The following RBFOX1 variants were observed in gnomAD, a reference collection of about 807,000 sequenced individuals.
RBFOX1 encodes RNA binding protein fox-1 homolog 1.
In RBFOX1, 8 loss-of-function variants were observed where a neutral mutation model predicts 57.7. The ratio of observed to expected loss-of-function variants is 0.14; its 90% CI spans 0.08 to 0.25. The LOEUF is 0.25. Among genes scored for constraint, RBFOX1 ranks in the 10% least tolerant of loss-of-function variants. The probability of loss-of-function intolerance (pLI) is 1.00; values close to 1 mark genes in which losing one functional copy is unlikely to be tolerated. For missense variants in RBFOX1, 611 were observed against 548.5 expected (o/e 1.11, Z -1.14); for synonymous variants, 326 against 222.4 (o/e 1.47, Z -4.15).
chr16:7,495,458 T>C (rs539431283), intron 4 of RBFOX1, among the ~76,000 whole-genome samples: 1 of 152,236 alleles, frequency 6.6e-6, no homozygotes, highest in Non-Finnish European at 1.5e-5. Flanking sequence ...CCATCCTTTT[T>C]CTCTGCAGCC....
rs1001971457 is a variant in RBFOX1, at chr16:7,128,498, C to G, written c.27+76400C>G. On this transcript the variant is annotated intron_variant, in intron 4 of 15. Coordinates refer to ENST00000550418, the MANE Select transcript of RBFOX1 (RefSeq NM_018723.4). ...AGTTCGGTTCTGTACGTGTGTGTCT[C>G]TGATATCCCCAGCAAGCTAGCCTGG... Among the ~76,000 whole-genome samples, 3 of 152,154 alleles carry G rather than the reference C, an allele frequency of 2.0e-5. 1 individual carries two copies. Among genetic ancestry groups the G allele is most frequent in the African/African-American group, 4.8e-5 (2 of 41,442 alleles).
chr16:6,710,811 C>T (rs2063582474), intron 3 of RBFOX1, among the ~76,000 whole-genome samples: 3 of 152,228 alleles, frequency 2.0e-5, no homozygotes, highest in Non-Finnish European at 2.9e-5. Context: ...ATGAGAGATC[C>T]TCTTCCCCTG....
intron 2 of RBFOX1, among the ~76,000 whole-genome samples, chr16:6,564,766 A>C (rs1426612728): frequency 6.6e-6 from 1 of 152,174 alleles, no homozygotes; most frequent in Non-Finnish European, 1.5e-5. Context: ...TGATTGCGGT[A>C]ATCATTACAC....
intron 2 of RBFOX1, among the ~76,000 whole-genome samples, chr16:6,390,132 T>G (rs989550238): frequency 1.3e-5 from 2 of 152,250 alleles, no homozygotes; most frequent in Admixed American, 1.3e-4. Flanking sequence ...GCTAATCCGT[T>G]AATTAGAAGG....
chr16:5,457,936 T>C (rs2068679721), intron 1 of RBFOX1, among the ~76,000 whole-genome samples: 1 of 152,172 alleles, frequency 6.6e-6, no homozygotes, highest in Non-Finnish European at 1.5e-5. Context: ...CTGCCATTTC[T>C]TGGCCAAGCC....
chr16:7,412,698 A>G (rs1265325695), intron 4 of RBFOX1, among the ~76,000 whole-genome samples: 1 of 152,208 alleles, frequency 6.6e-6, no homozygotes, highest in Non-Finnish European at 1.5e-5. Context: ...TAAACAGCAT[A>G]AACAAATTTG....
chr16:6,989,957 C>T (rs553749460), intron 3 of RBFOX1, among the ~76,000 whole-genome samples: 1 of 152,188 alleles, frequency 6.6e-6, no homozygotes, highest in Admixed American at 6.5e-5. Flanking sequence ...ACTGAGACCG[C>T]ACCACCGCAC....
intron 4 of RBFOX1, among the ~76,000 whole-genome samples, chr16:7,403,121 A>G (rs1391333540): frequency 2.0e-5 from 3 of 152,162 alleles, no homozygotes; most frequent in South Asian, 2.1e-4. Context: ...ACAAATATAA[A>G]TTATGTACAT....
At chr16:5,569,494 G>A (rs878871908) in intron 2 of RBFOX1, among the ~76,000 whole-genome samples, 4 of 91,342 alleles carry the variant, frequency 4.4e-5, no homozygotes, top group Non-Finnish European at 8.2e-5. Flanking sequence ...TACTCTCTAT[G>A]TTCTGGCCAC....
intron 8 of RBFOX1, among the ~76,000 whole-genome samples, chr16:7,596,820 G>C (rs1231192148): frequency 1.3e-5 from 2 of 152,146 alleles, no homozygotes; most frequent in South Asian, 2.1e-4. Flanking sequence ...GTTAAAGCTT[G>C]AATGATTTTG....
intron 3 of RBFOX1, among the ~76,000 whole-genome samples, chr16:6,934,774 G>A (rs953645670): frequency 1.3e-4 from 20 of 152,198 alleles, no homozygotes; most frequent in Middle Eastern, 6.8e-3. Flanking sequence ...AAGGGGCCAC[G>A]CTTTGTGTAT....
chr16:7,587,965 G>T (rs1311740909), intron 7 of RBFOX1, among the ~76,000 whole-genome samples: 1 of 152,120 alleles, frequency 6.6e-6, no homozygotes, highest in Non-Finnish European at 1.5e-5. Flanking sequence ...GATCACCTGA[G>T]GTCAGGAGCT....
At chr16:5,413,799 G>A (rs13334556) in intron 1 of RBFOX1, among the ~76,000 whole-genome samples, 10,764 of 152,262 alleles carry the variant, frequency 0.071, 391 homozygotes, top group South Asian at 0.11. Flanking sequence ...ACCGGTAGGG[G>A]TGAGGTGTGG....
At position 6,127,592 on chromosome 16, in the gene RBFOX1, G is replaced by A. The variant is rs182391174; in HGVS notation, c.-127+107600G>A. 5.9e-5 allele frequency among the ~76,000 whole-genome samples: 9 copies of A among 152,292 alleles called. No individual in the cohort carries two copies. In the East Asian group the frequency reaches 1.7e-3, roughly 29 times the overall value. ...TGGTAAGTCTCTAAAGAAGATTCAT[G>A]TGGGACCTTTTCAAATAATTCTGTT... On this transcript the variant is annotated intron_variant, in intron 1 of 15. Transcript: ENST00000550418.
At position 7,388,896 on chromosome 16, in the gene RBFOX1, C is replaced by G. The variant is rs370133242; in HGVS notation, c.28-129251C>G. ...TGCAATTTTGATAGAATATTTTCAACTCACGATGAGTTTATAGGGACATAA... is the reference window on the plus strand; with the variant it reads ...TGCAATTTTGATAGAATATTTTCAAGTCACGATGAGTTTATAGGGACATAA... On this transcript the variant is annotated intron_variant, in intron 4 of 15. Transcript: ENST00000550418. Among the ~76,000 whole-genome samples, 5 of 152,068 alleles carry G rather than the reference C, an allele frequency of 3.3e-5. No homozygotes were observed. The East Asian group carries it at 7.7e-4, about 24-fold the overall frequency.
At chr16:5,909,433 C>T (rs1043234469) in intron 4 of RBFOX1, among the ~76,000 whole-genome samples, 2 of 152,120 alleles carry the variant, frequency 1.3e-5, no homozygotes, top group African/African-American at 2.4e-5. Context: ...AATAGAGAAG[C>T]CCAATATTTA....
intron 1 of RBFOX1, among the ~76,000 whole-genome samples, chr16:6,163,089 G>T (rs1175467515): frequency 6.6e-6 from 1 of 152,108 alleles, no homozygotes; most frequent in African/African-American, 2.4e-5. Flanking sequence ...ACCCAGAGAA[G>T]GTTAATTGTG....
chr16:6,193,379 T>G (rs1208427827), intron 1 of RBFOX1, among the ~76,000 whole-genome samples: 1 of 63,136 alleles, frequency 1.6e-5, no homozygotes, highest in Non-Finnish European at 3.2e-5. Context: ...TATATATACA[T>G]TATATATATA....
chr16:7,115,414 G>A (rs578137060), intron 4 of RBFOX1, among the ~76,000 whole-genome samples: 61 of 152,310 alleles, frequency 4.0e-4, no homozygotes, highest in African/African-American at 1.3e-3. Context: ...TTTTGCCTTA[G>A]TTACCTATTG....
Sources: gnomAD v4.1 joint callset for allele counts (sites outside exome capture counted in the v4.1 genomes callset) on GRCh38, gnomAD v4.1.1 for gene constraint, MANE v1.5 for transcripts, NCBI Gene and HGNC (gene_info 2026-07-23, HGNC 2026-07-21) for gene names.